Variants in PCGF5 observed in about 807,000 individuals in gnomAD.
The protein encoded by PCGF5 is polycomb group RING finger protein 5.
Under a neutral mutation model 44.3 loss-of-function variants are expected in PCGF5, and 9 were observed. That is an observed-to-expected ratio of 0.20 (90% CI 0.12 to 0.35). The LOEUF (loss-of-function observed/expected upper bound fraction) is 0.35, where lower values mean the gene tolerates loss of function less well. PCGF5 is among the 10% of genes least tolerant of loss of function. PCGF5 has a pLI of 1.00. For missense variants in PCGF5, 146 were observed against 305.3 expected (o/e 0.48, Z 3.89); for synonymous variants, 95 against 102.5 (o/e 0.93, Z 0.44).
rs1213535596 is a variant in PCGF5, at chr10:91,238,581, A to ATTTCTTTC, written c.113-1887_113-1880dup. 2.3e-4 allele frequency among the ~76,000 whole-genome samples: 17 copies of ATTTCTTTC among 73,240 alleles called. 1 individual carries two copies. Among genetic ancestry groups the ATTTCTTTC allele is most frequent in the African/African-American group, 9.8e-4 (17 of 17,426 alleles). 48.0% of individuals were successfully genotyped at this position (73,240 alleles called of 152,430 possible). ...AGGCTTTTAAAATCCCTCCACTCTC[A>ATTTCTTTC]TTTCTTTCTTTCTTTCTTTCTTTTT... On this transcript the variant is annotated intron_variant, in intron 2 of 9. Transcript: ENST00000336126.
chr10:91,258,200 T>C (rs1169455391), intron 6 of PCGF5, among the ~76,000 whole-genome samples: 1 of 152,102 alleles, frequency 6.6e-6, no homozygotes, highest in Non-Finnish European at 1.5e-5. Flanking sequence ...TGAAAATGTT[T>C]TGGAATTAGA....
intron 6 of PCGF5, among the ~76,000 whole-genome samples, chr10:91,258,949 A>G (rs1253992098): frequency 6.6e-6 from 1 of 152,180 alleles, no homozygotes; most frequent in African/African-American, 2.4e-5. Context: ...TTTCCTATAC[A>G]TACAAATAGG....
chr10:91,255,878 C>T (rs1016260390), intron 6 of PCGF5, among the ~76,000 whole-genome samples: 22 of 152,064 alleles, frequency 1.4e-4, no homozygotes, highest in Admixed American at 1.2e-3. Flanking sequence ...AGTATTTGCA[C>T]GTAACGTATG....
At chr10:91,236,042 C>T (rs951818095) in intron 2 of PCGF5, among the ~76,000 whole-genome samples, 1 of 152,110 alleles carries the variant, frequency 6.6e-6, no homozygotes, top group Non-Finnish European at 1.5e-5. Context: ...CATGCCACTG[C>T]CCTCCAGCCT....
At chr10:91,211,510 A>C (rs941327289) in intron 1 of PCGF5, among the ~76,000 whole-genome samples, 2 of 152,156 alleles carry the variant, frequency 1.3e-5, no homozygotes, top group Non-Finnish European at 1.5e-5. Flanking sequence ...GTCATTTACT[A>C]TCGGACCTGA....
At chr10:91,257,170 G>T (rs1388306290) in intron 6 of PCGF5, among the ~76,000 whole-genome samples, 1 of 152,042 alleles carries the variant, frequency 6.6e-6, no homozygotes, top group Non-Finnish European at 1.5e-5. Flanking sequence ...TTCCTCTAAA[G>T]AAGTTATAAA....
intron 5 of PCGF5, among the ~76,000 whole-genome samples, chr10:91,250,881 G>A (rs1194086617): frequency 2.7e-5 from 4 of 148,866 alleles, no homozygotes; most frequent in Non-Finnish European, 5.9e-5. Flanking sequence ...AAAAGTATTT[G>A]GTTTTAATTT....
intron 7 of PCGF5, among the ~76,000 whole-genome samples, chr10:91,261,756 T>G (rs550211754): frequency 6.6e-6 from 1 of 152,332 alleles, no homozygotes; most frequent in African/African-American, 2.4e-5. Context: ...TTATCTGAGA[T>G]CTTTGAGATC....
At chr10:91,242,924 C>G (rs576483546) in intron 3 of PCGF5, among the ~76,000 whole-genome samples, 1 of 152,142 alleles carries the variant, frequency 6.6e-6, no homozygotes, top group African/African-American at 2.4e-5. Flanking sequence ...TAATGATGTC[C>G]TTTATAGAGA....
Position 91,222,847 on chromosome 10 carries a change from T to C in PCGF5, c.-25T>C, listed in dbSNP as rs778256180. 2 of 1,452,040 alleles carry C rather than the reference T, an allele frequency of 1.4e-6. No homozygotes were observed. Among genetic ancestry groups the C allele is most frequent in the East Asian group, 4.5e-5 (2 of 44,080 alleles). The allele number at this position is 1,452,040 out of a possible 1,614,324, so 89.9% of individuals were successfully genotyped here. A position where few individuals can be genotyped will look rare whatever the true frequency, so the allele number is the denominator to read the frequency against. ...TAGGACCCCTCTTTGCCCAGACTAC[T>C]AAAGCCAGTCTTCACTAGCCACGAA... On this transcript the variant is annotated 5_prime_UTR_variant, in exon 2 of 10. It removes the in-frame stop codon of an upstream open reading frame in the 5' UTR. Transcript: ENST00000336126.
At chr10:91,171,331 G>T (rs1564623957) in intron 1 of PCGF5, among the ~76,000 whole-genome samples, 1 of 152,096 alleles carries the variant, frequency 6.6e-6, no homozygotes, top group African/African-American at 2.4e-5. Flanking sequence ...TTTTTATATT[G>T]ATTTGCCAAA....
intron 1 of PCGF5, among the ~76,000 whole-genome samples, chr10:91,182,322 C>G (rs1843834542): frequency 6.6e-6 from 1 of 151,898 alleles, no homozygotes; most frequent in East Asian, 1.9e-4. Context: ...TCAATTTCTT[C>G]TAGATTTTTT....
chr10:91,272,134 AG>A (rs1419501450), intron 9 of PCGF5, among the ~76,000 whole-genome samples: 1 of 152,240 alleles, frequency 6.6e-6, no homozygotes, highest in African/African-American at 2.4e-5. Context: ...GCCCTTCCCT[AG>A]TACTTTACTT....
chr10:91,220,531 G>T (rs1280653529), upstream of PCGF5: 1 of 152,060 alleles, frequency 6.6e-6, no homozygotes, highest in Non-Finnish European at 1.5e-5. Flanking sequence ...CGGCCTCCGG[G>T]CGTGGTGGTG....
chr10:91,251,702 A>G (rs1001418841), intron 6 of PCGF5, among the ~76,000 whole-genome samples: 4 of 151,978 alleles, frequency 2.6e-5, no homozygotes, highest in Non-Finnish European at 5.9e-5. Flanking sequence ...TTTGCTGGAA[A>G]TTCATATGCA....
intron 7 of PCGF5, among the ~76,000 whole-genome samples, chr10:91,263,984 T>C (rs1311545532): frequency 2.0e-5 from 3 of 152,164 alleles, no homozygotes; most frequent in African/African-American, 7.2e-5. Context: ...AATAAGAAGA[T>C]AGTAACCCCT....
chr10:91,198,024 G>T (rs4933205), intron 1 of PCGF5, among the ~76,000 whole-genome samples: 2 of 152,224 alleles, frequency 1.3e-5, no homozygotes, highest in Non-Finnish European at 2.9e-5. Flanking sequence ...CAAAAAATAC[G>T]TGCCCTCACA....
chr10:91,227,401 G>A (rs776670608), intron 2 of PCGF5: 127 of 1,289,004 alleles, frequency 9.9e-5, no homozygotes, highest in African/African-American at 1.4e-4. Flanking sequence ...GCATATCTAC[G>A]AATGATCAAA....
intron 6 of PCGF5, among the ~76,000 whole-genome samples, chr10:91,252,179 A>G (rs1282520221): frequency 6.6e-6 from 1 of 151,942 alleles, no homozygotes; most frequent in East Asian, 1.9e-4. Flanking sequence ...GATTTTTGTC[A>G]CTTTATCCTA....
Sources: allele counts gnomAD v4.1 joint callset (sites outside exome capture counted in the v4.1 genomes callset), GRCh38; gene constraint gnomAD v4.1.1; transcripts MANE v1.5; gene names NCBI Gene and HGNC (gene_info 2026-07-23, HGNC 2026-07-21).